KCNH8: variants seen among roughly 807,000 people sequenced by gnomAD.
KCNH8 encodes the protein voltage-gated delayed rectifier potassium channel KCNH8.
KCNH8 carries 70 observed loss-of-function variants against 103.6 expected under a neutral mutation model. The observed-to-expected ratio is 0.68, with a 90% CI of 0.56 to 0.82. The LOEUF (loss-of-function observed/expected upper bound fraction) is 0.82. KCNH8 is among the 40% of genes least tolerant of loss of function. KCNH8 has a pLI of 0.00. For missense variants in KCNH8, 1,217 were observed against 1,329.9 expected, an observed-to-expected ratio of 0.92 and a Z score of 1.32; for synonymous variants, 498 against 489.4, an observed-to-expected ratio of 1.02 and a Z score of -0.23.
At chr3:19,376,314 G>T (rs1465559215) in intron 5 of KCNH8, among the ~76,000 whole-genome samples, 1 of 152,162 alleles carries the variant, frequency 6.6e-6, no homozygotes, top group African/African-American at 2.4e-5. Context: ...CGCCATTTTT[G>T]AAGCCGGTCG....
At chr3:19,251,717 A>C (rs890584067) in intron 1 of KCNH8, among the ~76,000 whole-genome samples, 5 of 152,122 alleles carry the variant, frequency 3.3e-5, no homozygotes, top group Non-Finnish European at 7.4e-5. Flanking sequence ...TGAATAGGCA[A>C]TATATAAAGC....
intron 3 of KCNH8, among the ~76,000 whole-genome samples, chr3:19,336,140 TA>T (rs1359467553): frequency 6.6e-6 from 1 of 151,794 alleles, no homozygotes; most frequent in South Asian, 2.1e-4. Flanking sequence ...ATGTATTAGA[TA>T]TTTTTATATC....
intron 5 of KCNH8, among the ~76,000 whole-genome samples, chr3:19,368,616 T>C (rs1160541871): frequency 1.3e-5 from 2 of 151,982 alleles, no homozygotes; most frequent in African/African-American, 4.8e-5. Context: ...CGTCCTCAAA[T>C]AAGGCCATTG....
rs1478450591 is a variant in KCNH8 at position 19,372,983 on chromosome 3, C to G, written c.812-17498C>G. 2.0e-5 allele frequency among the ~76,000 whole-genome samples: 3 copies of G among 151,826 alleles called. No homozygotes were observed. In the South Asian group the frequency reaches 6.2e-4, roughly 32 times the overall value. On this transcript the variant is annotated intron_variant, in intron 5 of 15. Transcript: ENST00000328405. ...AGCCCACTTGATCATGGTGGATAAG[C>G]TTTTTGATGTGCTGCTGGATTCGTT...
intron 11 of KCNH8, among the ~76,000 whole-genome samples, chr3:19,479,602 C>A (rs1421289009): frequency 6.6e-6 from 1 of 152,100 alleles, no homozygotes; most frequent in Admixed American, 6.6e-5. Flanking sequence ...CCCATTACCA[C>A]CTGCCATGGG....
intron 1 of KCNH8, among the ~76,000 whole-genome samples, chr3:19,229,333 G>C (rs890371194): frequency 2.6e-5 from 4 of 152,178 alleles, no homozygotes; most frequent in Non-Finnish European, 4.4e-5. Context: ...TTCTCCATGA[G>C]TGCCCTACCC....
At chr3:19,360,140 C>T (rs1351424960) in intron 5 of KCNH8, among the ~76,000 whole-genome samples, 2 of 151,968 alleles carry the variant, frequency 1.3e-5, no homozygotes, top group Non-Finnish European at 2.9e-5. Flanking sequence ...AACAATGTGG[C>T]AAGACTCAAT....
intron 5 of KCNH8, among the ~76,000 whole-genome samples, chr3:19,362,482 C>T (rs62279486): frequency 0.045 from 6,862 of 152,206 alleles, 226 homozygotes; most frequent in East Asian, 0.11. Context: ...ATGGGGAAAG[C>T]ACCTGTCTCA....
intron 11 of KCNH8, among the ~76,000 whole-genome samples, chr3:19,486,102 C>T (rs1227554742): frequency 6.6e-6 from 1 of 152,234 alleles, no homozygotes; most frequent in Non-Finnish European, 1.5e-5. Context: ...ATATCCTGCA[C>T]ATCTTTCATC....
intron 2 of KCNH8, among the ~76,000 whole-genome samples, chr3:19,273,505 C>T (rs2064619942): frequency 6.6e-6 from 1 of 152,254 alleles, no homozygotes; most frequent in Non-Finnish European, 1.5e-5. Context: ...GCTTAGTTCT[C>T]TTTGCTATTT....
Position 19,255,552 on chromosome 3 carries a change from G to A in KCNH8, c.310+1665G>A, listed in dbSNP as rs143837455. 6.6e-5 allele frequency among the ~76,000 whole-genome samples: 10 copies of A among 152,134 alleles called. No homozygotes were observed. In the East Asian group the frequency reaches 1.6e-3, roughly 24 times the overall value. ...ATCCTCGTCTTGTGCTGGTTTTCAA[G>A]GGGAAATGCTTCGTTGATAGGTGCA... On this transcript the variant is annotated intron_variant, in intron 2 of 15. Coordinates refer to ENST00000328405, the MANE Select transcript of KCNH8 (RefSeq NM_144633.3).
chr3:19,516,842 T>C (rs2068883241), intron 14 of KCNH8, among the ~76,000 whole-genome samples: 1 of 152,060 alleles, frequency 6.6e-6, no homozygotes, highest in Non-Finnish European at 1.5e-5. Context: ...GACCTCACAC[T>C]GTTTTCCATG....
chr3:19,194,239 T>G (rs2063579697), intron 1 of KCNH8, among the ~76,000 whole-genome samples: 1 of 151,836 alleles, frequency 6.6e-6, no homozygotes, highest in Non-Finnish European at 1.5e-5. Flanking sequence ...TTGAAAGTGC[T>G]TTGCTGTATT....
At chr3:19,288,083 C>G (rs1482127719) in intron 3 of KCNH8, among the ~76,000 whole-genome samples, 2 of 149,482 alleles carry the variant, frequency 1.3e-5, no homozygotes, top group East Asian at 2.0e-4. Flanking sequence ...TTTTCCTGAT[C>G]TACTTTAGTT....
chr3:19,503,164 A>C (rs560797806), intron 11 of KCNH8, among the ~76,000 whole-genome samples: 10 of 151,636 alleles, frequency 6.6e-5, no homozygotes, highest in African/African-American at 2.2e-4. Context: ...GCAGCCAAAA[A>C]ACACATGAAA....
chr3:19,393,711 A>G (rs2066472165), intron 6 of KCNH8, among the ~76,000 whole-genome samples: 2 of 152,198 alleles, frequency 1.3e-5, no homozygotes, highest in South Asian at 4.1e-4. Flanking sequence ...GAACTTAGCT[A>G]TAAAGGAGAA....
At chr3:19,214,683 T>C (rs1384865706) in intron 1 of KCNH8, among the ~76,000 whole-genome samples, 1 of 152,218 alleles carries the variant, frequency 6.6e-6, no homozygotes, top group Non-Finnish European at 1.5e-5. Context: ...CTCAATAAAC[T>C]GGGTATATCC....
intron 3 of KCNH8, among the ~76,000 whole-genome samples, chr3:19,311,374 G>A (rs2065205449): frequency 6.6e-6 from 1 of 151,688 alleles, no homozygotes; most frequent in Admixed American, 6.6e-5. Context: ...GCTAGCAAGT[G>A]TTGGAGTGAC....
Position 19,429,037 on chromosome 3 carries a change from CGCTGGCTG to C in KCNH8, c.1178-9126_1178-9119del, listed in dbSNP as rs1559323421. On this transcript the variant is annotated intron_variant, in intron 7 of 15. Transcript: ENST00000328405. ...CTTCAAGGCCAATCGCTTCACCAGA[CGCTGGCTG>C]AAAACTTATTTTGGAATGTTCAGGC... 8.5e-5 allele frequency among the ~76,000 whole-genome samples: 13 copies of C among 152,184 alleles called. No homozygotes were observed. The East Asian group carries it at 2.5e-3, about 29-fold the overall frequency.
Sources: gnomAD v4.1 joint callset for allele counts (sites outside exome capture counted in the v4.1 genomes callset) on GRCh38, gnomAD v4.1.1 for gene constraint, MANE v1.5 for transcripts, NCBI Gene and HGNC (gene_info 2026-07-23, HGNC 2026-07-21) for gene names.